Variants in GULP1 observed in about 807,000 individuals in gnomAD.
The protein encoded by GULP1 is GULP PTB domain containing engulfment adaptor 1.
In GULP1, 19 loss-of-function variants were observed where a neutral mutation model predicts 40.9. That is an observed-to-expected ratio of 0.46 (90% CI 0.32 to 0.68). The LOEUF is 0.68. GULP1 is among the 30% of genes least tolerant of loss of function. The pLI, the probability that GULP1 is intolerant of heterozygous loss-of-function variation, is 0.03. For synonymous variants in GULP1, 119 were observed against 117.6 expected (o/e 1.01, Z -0.08); for missense variants, 312 against 362.2 (o/e 0.86, Z 1.12).
At chr2:188,579,118 C>T (rs1700761346) in intron 9 of GULP1, among the ~76,000 whole-genome samples, 1 of 152,244 alleles carries the variant, frequency 6.6e-6, no homozygotes, top group East Asian at 1.9e-4. Flanking sequence ...TTACATATAA[C>T]ATCTGATTCC....
intron 1 of GULP1, among the ~76,000 whole-genome samples, chr2:188,312,597 C>T (rs1260842027): frequency 6.6e-6 from 1 of 152,142 alleles, no homozygotes; most frequent in African/African-American, 2.4e-5. Context: ...AATAGTGCTG[C>T]AATAAACATA....
chr2:188,493,975 C>T (rs1023812999), intron 4 of GULP1, among the ~76,000 whole-genome samples: 2 of 151,962 alleles, frequency 1.3e-5, no homozygotes, highest in Non-Finnish European at 1.5e-5. Context: ...TCTTGCTGAC[C>T]CTTGTAGGTT....
At chr2:188,346,003 A>T (rs1401028457) in intron 1 of GULP1, among the ~76,000 whole-genome samples, 3 of 152,202 alleles carry the variant, frequency 2.0e-5, no homozygotes, top group Non-Finnish European at 4.4e-5. Flanking sequence ...GTGAATAGGG[A>T]TCATTCCTGC....
At chr2:188,593,800 C>T in intron 11 of GULP1, 140 bp from the exon 12 acceptor site, 1 of 583,590 alleles carries the variant, frequency 1.7e-6, no homozygotes, top group Non-Finnish European at 3.1e-6. Context: ...AAAAATTCAG[C>T]AAGTCAACAT....
intron 1 of GULP1, among the ~76,000 whole-genome samples, chr2:188,332,519 C>G (rs935326228): frequency 4.6e-5 from 7 of 152,070 alleles, no homozygotes; most frequent in Non-Finnish European, 1.0e-4. Context: ...ACTTGTGTTC[C>G]AGGATCTGTG....
intron 2 of GULP1, among the ~76,000 whole-genome samples, chr2:188,429,713 G>T (rs1399923206): frequency 4.1e-5 from 6 of 146,230 alleles, no homozygotes; most frequent in African/African-American, 7.5e-5. Flanking sequence ...TATTTTTGTT[G>T]TTTTTTTTTT....
intron 9 of GULP1, among the ~76,000 whole-genome samples, chr2:188,571,062 G>A (rs1200408351): frequency 6.6e-6 from 1 of 152,076 alleles, no homozygotes; most frequent in Non-Finnish European, 1.5e-5. Flanking sequence ...GGAGGCTGAG[G>A]TAAGAGGATG....
At chr2:188,445,609 A>G (rs2058319010) in intron 2 of GULP1, among the ~76,000 whole-genome samples, 2 of 152,174 alleles carry the variant, frequency 1.3e-5, no homozygotes, top group African/African-American at 4.8e-5. Flanking sequence ...GTCTGTCATG[A>G]TACCAGATGA....
intron 1 of GULP1, among the ~76,000 whole-genome samples, chr2:188,294,825 C>T (rs1006806624): frequency 6.6e-6 from 1 of 152,038 alleles, no homozygotes; most frequent in Non-Finnish European, 1.5e-5. Context: ...ATAGGCTTTT[C>T]GACATAAAGG....
At chr2:188,547,260 A>G (rs1692215918) in intron 7 of GULP1, among the ~76,000 whole-genome samples, 1 of 151,774 alleles carries the variant, frequency 6.6e-6, no homozygotes, top group Non-Finnish European at 1.5e-5. Context: ...AAAAAACACT[A>G]GAGATCTGAA....
At chr2:188,383,618 T>G (rs1340061953) in intron 1 of GULP1, 145 bp from the exon 2 acceptor site, 2 of 152,244 alleles carry the variant, frequency 1.3e-5, no homozygotes, top group African/African-American at 4.8e-5. Context: ...TATTTTATCA[T>G]TATTTCCCTA....
intron 2 of GULP1, among the ~76,000 whole-genome samples, chr2:188,384,694 T>G (rs1043342069): frequency 6.6e-6 from 1 of 152,188 alleles, no homozygotes; most frequent in Non-Finnish European, 1.5e-5. Flanking sequence ...GCAAGTTAGT[T>G]ACTTCCTAGA....
chr2:188,449,575 C>T (rs2058672450), intron 2 of GULP1, among the ~76,000 whole-genome samples: 1 of 152,120 alleles, frequency 6.6e-6, no homozygotes. Context: ...TGTGAGATAT[C>T]ATTACTTCCA....
chr2:188,523,655 C>T (rs1004914841), intron 5 of GULP1, among the ~76,000 whole-genome samples: 5 of 151,960 alleles, frequency 3.3e-5, no homozygotes, highest in Non-Finnish European at 5.9e-5. Context: ...AGGGACCATC[C>T]GGTTATTCTA....
intron 1 of GULP1, among the ~76,000 whole-genome samples, chr2:188,348,740 C>T (rs969811720): frequency 6.6e-6 from 1 of 152,130 alleles, no homozygotes; most frequent in African/African-American, 2.4e-5. Context: ...CCAGTGGTAA[C>T]ATCTTACCTG....
intron 1 of GULP1, among the ~76,000 whole-genome samples, chr2:188,318,168 A>G (rs998425614): frequency 6.6e-6 from 1 of 152,208 alleles, no homozygotes; most frequent in Non-Finnish European, 1.5e-5. Flanking sequence ...ATTCTTGTTC[A>G]GAATTAAATA....
At chr2:188,380,299 G>T (rs2048850879) in intron 1 of GULP1, among the ~76,000 whole-genome samples, 1 of 152,104 alleles carries the variant, frequency 6.6e-6, no homozygotes, top group Non-Finnish European at 1.5e-5. Flanking sequence ...GCATACTAAG[G>T]CATGTGTACT....
In GULP1 at chr2:188,454,081, G is replaced by A. The variant is rs143572939; in HGVS notation, c.-44-23578G>A. 3.4e-3 allele frequency among the ~76,000 whole-genome samples: 515 copies of A among 152,314 alleles called. 1 individual carries two copies. Among genetic ancestry groups the A allele is most frequent in the Non-Finnish European group, 4.5e-3 (309 of 68,028 alleles). ...CTCAGGCCCAGGCCTGCCGCTGGAG[G>A]TACCCTGCCCACTCAGCCTGCCTGT... On this transcript the variant is annotated intron_variant, in intron 2 of 11. Coordinates refer to ENST00000409830, the MANE Select transcript of GULP1 (RefSeq NM_016315.4).
chr2:188,517,162 A>G (rs1014591178), intron 4 of GULP1, among the ~76,000 whole-genome samples: 2 of 151,946 alleles, frequency 1.3e-5, no homozygotes, highest in Non-Finnish European at 2.9e-5. Context: ...TTTATTCTGT[A>G]TGTTTTGAAG....
Sources: allele counts gnomAD v4.1 joint callset (sites outside exome capture counted in the v4.1 genomes callset), GRCh38; gene constraint gnomAD v4.1.1; transcripts MANE v1.5; gene names NCBI Gene and HGNC (gene_info 2026-07-23, HGNC 2026-07-21).